The following FLNB variants were observed in gnomAD, a reference collection of about 807,000 sequenced individuals.
The protein encoded by FLNB is filamin-B.
A neutral mutation model predicts 250.6 loss-of-function variants in FLNB; 111 were observed. That is an observed-to-expected ratio of 0.44 (90% CI 0.38 to 0.52). FLNB has a LOEUF of 0.52. Among genes scored for constraint, FLNB ranks in the 20% least tolerant of loss-of-function variants. FLNB has a pLI of 0.00. For missense variants in FLNB, 2,869 were observed against 3,447.8 expected, an observed-to-expected ratio of 0.83 and a Z score of 4.20; for synonymous variants, 1,302 against 1,372.1, an observed-to-expected ratio of 0.95 and a Z score of 1.13.
intron 1 of FLNB, among the ~76,000 whole-genome samples, chr3:58,074,826 C>T (rs1014458838): frequency 3.3e-5 from 5 of 152,120 alleles, no homozygotes; most frequent in African/African-American, 1.2e-4. Flanking sequence ...CCTTGGGAAC[C>T]TTAACTTTGA....
intron 1 of FLNB, among the ~76,000 whole-genome samples, chr3:58,010,376 T>G (rs886908179): frequency 1.3e-5 from 2 of 152,182 alleles, no homozygotes; most frequent in Non-Finnish European, 2.9e-5. Context: ...CCCCCACACC[T>G]GTCCTGGCAG....
intron 9 of FLNB, among the ~76,000 whole-genome samples, chr3:58,103,253 G>A (rs1011949618): frequency 1.5e-5 from 2 of 135,694 alleles, no homozygotes; most frequent in Non-Finnish European, 1.6e-5. Flanking sequence ...TATTCCAACA[G>A]GAGCCAAGGA....
At chr3:58,126,236 G>T (rs1004270616) in intron 23 of FLNB, among the ~76,000 whole-genome samples, 2 of 152,114 alleles carry the variant, frequency 1.3e-5, no homozygotes, top group African/African-American at 2.4e-5. Flanking sequence ...AATTAGCTGG[G>T]CTTGGTAGTA....
intron 37 of FLNB, 31 bp downstream of exon 37, chr3:58,150,033 A>G: frequency 6.2e-7 from 1 of 1,614,206 alleles, no homozygotes; most frequent in Non-Finnish European, 8.5e-7. Flanking sequence ...TCCAGGTGGG[A>G]TGCTTGGGTT....
intron 24 of FLNB, among the ~76,000 whole-genome samples, chr3:58,128,843 C>T (rs1197361255): frequency 1.3e-5 from 2 of 152,164 alleles, no homozygotes; most frequent in East Asian, 1.9e-4. Context: ...AACAGAAAGA[C>T]ACTCATTTGT....
Position 58,124,479 on chromosome 3 carries a change from A to G in FLNB, c.3872A>G (p.Gln1291Arg). Residue 1291 changes from glutamine (Q) to arginine (R), a missense_variant, in exon 22 of 46, where the codon CAG (glutamine) becomes CGG (arginine). By Grantham distance (43) the Gln-to-Arg change is conservative. Around this residue, in one of 5 missense-constraint regions of FLNB, gnomAD observed 1,348 missense variants for 1,466.7 expected, o/e 0.92. Coordinates refer to ENST00000295956, the MANE Select transcript of FLNB (RefSeq NM_001457.4). ...ACAGACAATGCGGATGGGACCTACCAGGTGGAATACACACCCTTTGAGAAA... is the reference window on the plus strand; with the variant it reads ...ACAGACAATGCGGATGGGACCTACCGGGTGGAATACACACCCTTTGAGAAA... ...FVTDNADGTY[Q>R]VEYTPFEKGL... 1.9e-6 allele frequency: 3 copies of G among 1,614,184 alleles called. No homozygotes were observed. The highest frequency in any genetic ancestry group is 1.7e-6 in the Non-Finnish European group (2 of 1,180,014).
intron 4 of FLNB, among the ~76,000 whole-genome samples, chr3:58,084,910 C>G (rs2097215084): frequency 6.6e-6 from 1 of 152,190 alleles, no homozygotes; most frequent in Non-Finnish European, 1.5e-5. Context: ...TGTTAGGTAC[C>G]TCCTAGAAGT....
intron 1 of FLNB, among the ~76,000 whole-genome samples, chr3:58,027,127 C>T (rs1289104132): frequency 6.6e-6 from 1 of 151,916 alleles, no homozygotes; most frequent in East Asian, 1.9e-4. Context: ...TTGCAGGTCC[C>T]AGGCAGATGT....
At chr3:58,048,147 C>T (rs1053526363) in intron 1 of FLNB, among the ~76,000 whole-genome samples, 14 of 152,158 alleles carry the variant, frequency 9.2e-5, no homozygotes, top group Admixed American at 3.3e-4. Context: ...AACCAATTAA[C>T]GATTACTCAA....
intron 19 of FLNB, among the ~76,000 whole-genome samples, chr3:58,120,767 C>T (rs1192278230): frequency 1.3e-5 from 2 of 152,192 alleles, no homozygotes; most frequent in Non-Finnish European, 2.9e-5. Context: ...TAAGAGACGA[C>T]AGTGTCAGAT....
In FLNB at chr3:58,121,413, G is replaced by A. The variant is rs753000118; in HGVS notation, c.3036G>A (p.Gly1012=). The change falls in exon 20 of 46, where the codon GGG becomes GGA. Residue 1012 remains glycine, a synonymous_variant. Transcript: ENST00000295956. ...STAKFIPREE[G]LYAVDVTYDG... ...CCAAGTTCATCCCTCGGGAGGAGGG[G>A]CTGTATGCTGTAGACGTGACCTACG... The A allele has an allele frequency of 1.2e-6, 2 of 1,614,128 alleles. No homozygotes were observed. Among genetic ancestry groups the A allele is most frequent in the South Asian group, 1.1e-5 (1 of 91,086 alleles).
chr3:58,055,190 C>A (rs1192410282), intron 1 of FLNB, among the ~76,000 whole-genome samples: 3 of 151,992 alleles, frequency 2.0e-5, no homozygotes, highest in African/African-American at 7.3e-5. Context: ...TGCTTGAACC[C>A]AGAAGGCAGA....
Position 58,153,456 on chromosome 3 carries a change from A to G in FLNB, c.6449A>G (p.Lys2150Arg), listed in dbSNP as rs928537891. Reference protein sequence around the residue: ...VTEAEIVPMGKNSHCVRFVPQ... With the variant: ...VTEAEIVPMGRNSHCVRFVPQ... Reference sequence around the variant, plus strand: ...GAGGCAGAGATTGTGCCCATGGGGAAGAACTCACACTGCGTCCGGTTTGTG... The same window carrying G: ...GAGGCAGAGATTGTGCCCATGGGGAGGAACTCACACTGCGTCCGGTTTGTG... Residue 2150 changes from lysine to arginine, a missense_variant, in exon 39 of 46, where the codon AAG becomes AGG. Transcript: ENST00000295956. 2.5e-6 allele frequency: 4 copies of G among 1,614,136 alleles called. No homozygotes were observed. In the African/African-American group the frequency reaches 5.3e-5, roughly 22 times the overall value.
In FLNB at chr3:58,105,171, G is replaced by A; in HGVS notation, c.1702G>A (p.Ala568Thr). The A allele has an allele frequency of 1.2e-6, 2 of 1,614,238 alleles. No individual in the cohort carries two copies. The highest frequency in any genetic ancestry group is 1.7e-6 in the Non-Finnish European group (2 of 1,180,042). Residue 568 changes from alanine to threonine, a missense_variant, in exon 11 of 46, where the codon GCG (alanine) becomes ACG (threonine). This residue lies in a region of FLNB where 1,348 missense variants were observed against 1,466.7 expected (regional missense o/e 0.92). Transcript: ENST00000295956. ...GLHGGIVGRS[A>T]DFVVESIGSE... ...CCATGGTGGGATTGTCGGGCGGTCA[G>A]CGGACTTCGTGGTAGAATCCATTGG...
Position 58,083,541 on chromosome 3 carries a change from A to C in FLNB, c.787+1765A>C, listed in dbSNP as rs575092133. Among the ~76,000 whole-genome samples the C allele has an allele frequency of 8.6e-5, 13 of 151,622 alleles. No individual in the cohort carries two copies. In the East Asian group the frequency reaches 2.5e-3, roughly 29 times the overall value. On this transcript the variant is annotated intron_variant, in intron 4 of 45. Transcript: ENST00000295956. ...ACCACCATGCCTGGCTAATTTTTGT[A>C]TTTTTAGTAGAGATGGGGTTTCACC...
chr3:58,063,287 ACCATG>A (rs2097181064), intron 1 of FLNB, among the ~76,000 whole-genome samples: 1 of 152,146 alleles, frequency 6.6e-6, no homozygotes, highest in African/African-American at 2.4e-5. Context: ...CCATCCCTGC[ACCATG>A]CCTTTTACTT....
chr3:58,109,988 C>T lies in FLNB; in HGVS notation c.2324-22C>T, dbSNP rs767022437. The stretch of plus-strand genomic sequence containing the variant: ...ACATGCTGTTTCTTGTAAGCTGGTG[C>T]TAATAAGCTGGTCTGTTCCAGGTGA... On this transcript the variant is annotated intron_variant, in intron 15 of 45. Coordinates refer to ENST00000295956, the MANE Select transcript of FLNB (RefSeq NM_001457.4). 4 of 1,613,888 alleles carry T rather than the reference C, an allele frequency of 2.5e-6. No individual in the cohort carries two copies. The South Asian group carries it at 3.3e-5, about 13-fold the overall frequency.
chr3:58,118,235 A>G (rs558146605), intron 18 of FLNB, among the ~76,000 whole-genome samples: 16 of 152,312 alleles, frequency 1.1e-4, no homozygotes, highest in African/African-American at 2.9e-4. Context: ...TTTCTTTCAC[A>G]TGGAAATGGA....
rs368087129 is a variant in FLNB at position 58,153,469 on chromosome 3, C to T, written c.6462C>T (p.Cys2154=). The T allele has an allele frequency of 1.4e-5, 22 of 1,614,256 alleles. No individual in the cohort carries two copies. Among genetic ancestry groups the T allele is most frequent in the Middle Eastern group, 1.6e-4 (1 of 6,062 alleles). Reference sequence around the variant, plus strand: ...TGCCCATGGGGAAGAACTCACACTGCGTCCGGTTTGTGCCCCAGGAGATGG... The same window carrying T: ...TGCCCATGGGGAAGAACTCACACTGTGTCCGGTTTGTGCCCCAGGAGATGG... ...EIVPMGKNSH[C]VRFVPQEMGV... Residue 2154 remains cysteine, a synonymous_variant, in exon 39 of 46, where the codon TGC becomes TGT. Coordinates refer to ENST00000295956, the MANE Select transcript of FLNB (RefSeq NM_001457.4).
Sources: gnomAD v4.1 joint callset for allele counts (sites outside exome capture counted in the v4.1 genomes callset) on GRCh38, gnomAD v4.1.1 for gene constraint, gnomAD v4.1.1 regional missense constraint, MANE v1.5 for transcripts, NCBI Gene and HGNC (gene_info 2026-07-23, HGNC 2026-07-21) for gene names.